TRAPPC9: variants seen among roughly 807,000 people sequenced by gnomAD.
The protein encoded by TRAPPC9 is IKK2 binding protein.
A neutral mutation model predicts 124.0 loss-of-function variants in TRAPPC9; 83 were observed. The observed-to-expected ratio is 0.67, with a 90% CI of 0.56 to 0.80. TRAPPC9 has a LOEUF of 0.80. Ranked by LOEUF, TRAPPC9 falls within the 30% of genes least tolerant of loss-of-function variation. The pLI, the probability that TRAPPC9 is intolerant of heterozygous loss-of-function variation, is 0.00. For missense variants in TRAPPC9, 1,302 were observed against 1,508.3 expected, an observed-to-expected ratio of 0.86 and a Z score of 2.27; for synonymous variants, 638 against 617.5, an observed-to-expected ratio of 1.03 and a Z score of -0.49.
intron 21 of TRAPPC9, among the ~76,000 whole-genome samples, chr8:139,750,738 C>T (rs1216013601): frequency 2.6e-5 from 4 of 152,124 alleles, no homozygotes; most frequent in South Asian, 4.1e-4. Context: ...GGATGAGTCC[C>T]GTGGGACCAT....
intron 19 of TRAPPC9, among the ~76,000 whole-genome samples, chr8:139,952,542 G>A (rs964520110): frequency 2.6e-5 from 4 of 152,182 alleles, no homozygotes; most frequent in African/African-American, 7.2e-5. Flanking sequence ...GGCTCTCCCC[G>A]GGAGCAGTGA....
At chr8:139,806,882 T>C (rs1824103813) in intron 21 of TRAPPC9, among the ~76,000 whole-genome samples, 1 of 152,212 alleles carries the variant, frequency 6.6e-6, no homozygotes, top group Admixed American at 6.5e-5. Flanking sequence ...GAGAAGCTTA[T>C]AGAAGGGGCG....
intron 17 of TRAPPC9, among the ~76,000 whole-genome samples, chr8:140,112,378 G>A (rs1195805835): frequency 2.0e-5 from 3 of 149,466 alleles, no homozygotes; most frequent in Admixed American, 1.3e-4. Context: ...AATTCCAGAC[G>A]ATGGTGGGAC....
intron 9 of TRAPPC9, among the ~76,000 whole-genome samples, chr8:140,349,324 G>T (rs1205587749): frequency 6.8e-6 from 1 of 147,624 alleles, no homozygotes; most frequent in Non-Finnish European, 1.5e-5. Flanking sequence ...CGCAAGGAGA[G>T]GGCACACAAG....
chr8:139,905,865 C>T (rs910538901), intron 20 of TRAPPC9, among the ~76,000 whole-genome samples: 1 of 151,962 alleles, frequency 6.6e-6, no homozygotes, highest in African/African-American at 2.4e-5. Flanking sequence ...GAGGCCGAGG[C>T]GGGCGGATCA....
At chr8:140,174,301 A>G (rs1054531187) in intron 17 of TRAPPC9, among the ~76,000 whole-genome samples, 5 of 152,024 alleles carry the variant, frequency 3.3e-5, no homozygotes, top group African/African-American at 1.2e-4. Flanking sequence ...TGATGAAATA[A>G]TCTACACAAC....
At chr8:140,151,912 C>T (rs1370292046) in intron 17 of TRAPPC9, among the ~76,000 whole-genome samples, 1 of 152,180 alleles carries the variant, frequency 6.6e-6, no homozygotes, top group Admixed American at 6.5e-5. Flanking sequence ...CTGCTCAGCA[C>T]CTCAGCCTCG....
chr8:140,012,829 T>C (rs1839222034), intron 18 of TRAPPC9, among the ~76,000 whole-genome samples: 1 of 152,202 alleles, frequency 6.6e-6, no homozygotes, highest in African/African-American at 2.4e-5. Context: ...CATGAGCCTC[T>C]GAAGGGGATT....
intron 21 of TRAPPC9, among the ~76,000 whole-genome samples, chr8:139,884,816 C>T (rs965676858): frequency 2.6e-5 from 4 of 152,308 alleles, no homozygotes; most frequent in Non-Finnish European, 2.9e-5. Context: ...AGAAGGAGCC[C>T]GAGTGTAAAA....
At chr8:139,802,274 C>T (rs966393356) in intron 21 of TRAPPC9, among the ~76,000 whole-genome samples, 1 of 152,174 alleles carries the variant, frequency 6.6e-6, no homozygotes, top group African/African-American at 2.4e-5. Context: ...GAAAATGAGG[C>T]CATGGGTTCC....
At chr8:139,992,614 C>T (rs1310787645) in intron 18 of TRAPPC9, among the ~76,000 whole-genome samples, 1 of 150,052 alleles carries the variant, frequency 6.7e-6, no homozygotes, top group Non-Finnish European at 1.5e-5. Context: ...TTTGTTAAAA[C>T]AATGATGTGG....
intron 1 of TRAPPC9, among the ~76,000 whole-genome samples, chr8:140,454,936 T>TA (rs57108334): frequency 0.1 from 12,958 of 127,594 alleles, 650 homozygotes; most frequent in African/African-American, 0.14. Context: ...TAAGACTCTT[T>TA]AAAAAAAAAA....
At chr8:140,273,010 A>T (rs2131633682) in intron 15 of TRAPPC9, among the ~76,000 whole-genome samples, 1 of 152,284 alleles carries the variant, frequency 6.6e-6, no homozygotes, top group East Asian at 1.9e-4. Flanking sequence ...TGCTTCACAC[A>T]TATTATCTCA....
At chr8:140,260,151 G>A (rs898374199) in intron 15 of TRAPPC9, among the ~76,000 whole-genome samples, 1 of 151,918 alleles carries the variant, frequency 6.6e-6, no homozygotes, top group African/African-American at 2.4e-5. Flanking sequence ...ACACATGCAC[G>A]GATATAAAAC....
chr8:140,336,268 A>C (rs1409088702), intron 9 of TRAPPC9, among the ~76,000 whole-genome samples: 1 of 152,180 alleles, frequency 6.6e-6, no homozygotes, highest in Non-Finnish European at 1.5e-5. Context: ...TCACAGTTAC[A>C]ACAACAAAAG....
intron 5 of TRAPPC9, among the ~76,000 whole-genome samples, chr8:140,424,450 CAGAG>C (rs1202515377): frequency 6.6e-6 from 1 of 151,460 alleles, no homozygotes; most frequent in East Asian, 1.9e-4. Flanking sequence ...TGGGTCAACA[CAGAG>C]AGAGACTCCA....
intron 17 of TRAPPC9, among the ~76,000 whole-genome samples, chr8:140,081,113 C>G (rs999234558): frequency 1.7e-4 from 26 of 152,102 alleles, no homozygotes; most frequent in African/African-American, 6.3e-4. Context: ...ATTAACCATC[C>G]TATGCCATCT....
At chr8:140,170,172 G>A (rs2061938389) in intron 17 of TRAPPC9, among the ~76,000 whole-genome samples, 1 of 152,212 alleles carries the variant, frequency 6.6e-6, no homozygotes, top group Admixed American at 6.5e-5. Context: ...ATTTCTGGAA[G>A]TGGCAGTGGG....
At chr8:139,874,249 A>G (rs1414344267) in intron 21 of TRAPPC9, among the ~76,000 whole-genome samples, 1 of 152,254 alleles carries the variant, frequency 6.6e-6, no homozygotes, top group Non-Finnish European at 1.5e-5. Flanking sequence ...TATTTAAATC[A>G]TGTGGAAGAA....
Sources: allele counts gnomAD v4.1 joint callset (sites outside exome capture counted in the v4.1 genomes callset), GRCh38; gene constraint gnomAD v4.1.1; transcripts MANE v1.5; gene names NCBI Gene and HGNC (gene_info 2026-07-23, HGNC 2026-07-21).